CAMKMT: variants seen among roughly 807,000 people sequenced by gnomAD.
The protein encoded by CAMKMT is CaM KMT.
A neutral mutation model predicts 48.0 loss-of-function variants in CAMKMT; 53 were observed. The ratio of observed to expected loss-of-function variants is 1.10; its 90% CI spans 0.89 to 1.39. The LOEUF is 1.39. Among genes scored for constraint, CAMKMT ranks in the 40% most tolerant of loss-of-function variants. The pLI, the probability that CAMKMT is intolerant of heterozygous loss-of-function variation, is 0.00. For synonymous variants in CAMKMT, 165 were observed against 152.3 expected (o/e 1.08, Z -0.61); for missense variants, 428 against 402.7 (o/e 1.06, Z -0.54).
intron 9 of CAMKMT, among the ~76,000 whole-genome samples, chr2:44,756,033 G>A (rs1366300284): frequency 1.3e-5 from 2 of 152,202 alleles, no homozygotes; most frequent in Non-Finnish European, 2.9e-5. Context: ...CCATCAGAGG[G>A]GAAATCCCAG....
intron 3 of CAMKMT, among the ~76,000 whole-genome samples, chr2:44,543,875 T>G (rs1216957275): frequency 6.6e-6 from 1 of 152,196 alleles, no homozygotes; most frequent in African/African-American, 2.4e-5. Flanking sequence ...TGTTGACAGA[T>G]GTATTTAGAA....
intron 3 of CAMKMT, among the ~76,000 whole-genome samples, chr2:44,700,264 T>A (rs1392772482): frequency 6.6e-6 from 1 of 152,230 alleles, no homozygotes; most frequent in East Asian, 1.9e-4. Context: ...TCCAGACCAC[T>A]AAAACTTTCT....
At chr2:44,745,587 A>G (rs1044888109) in intron 8 of CAMKMT, among the ~76,000 whole-genome samples, 1 of 152,204 alleles carries the variant, frequency 6.6e-6, no homozygotes, top group Non-Finnish European at 1.5e-5. Flanking sequence ...TATGGCTTCA[A>G]ATGAACTAAA....
At chr2:44,489,155 C>A (rs1342490656) in intron 3 of CAMKMT, among the ~76,000 whole-genome samples, 1 of 152,034 alleles carries the variant, frequency 6.6e-6, no homozygotes, top group African/African-American at 2.4e-5. Flanking sequence ...CAGGCATGAC[C>A]CACCAACGCT....
At chr2:44,409,059 T>A (rs1189576454) in intron 3 of CAMKMT, among the ~76,000 whole-genome samples, 3 of 147,662 alleles carry the variant, frequency 2.0e-5, no homozygotes, top group Non-Finnish European at 4.5e-5. Context: ...ATATTTTTAA[T>A]TTTTAGTTGT....
intron 3 of CAMKMT, among the ~76,000 whole-genome samples, chr2:44,562,840 C>T (rs1347405946): frequency 3.3e-5 from 5 of 152,168 alleles, no homozygotes; most frequent in African/African-American, 7.2e-5. Context: ...GGATTACAGG[C>T]GTGAGCCACA....
intron 3 of CAMKMT, chr2:44,550,674 C>T (rs896405365): frequency 6.6e-6 from 1 of 152,142 alleles, no homozygotes; most frequent in Non-Finnish European, 1.5e-5. Flanking sequence ...GACCATCTAT[C>T]CACTCTTTTC....
At chr2:44,402,692 G>A (rs917326207) in intron 3 of CAMKMT, among the ~76,000 whole-genome samples, 3 of 140,932 alleles carry the variant, frequency 2.1e-5, no homozygotes, top group Admixed American at 7.0e-5. Flanking sequence ...TTTGAATGTT[G>A]TGCATCCTGG....
intron 3 of CAMKMT, among the ~76,000 whole-genome samples, chr2:44,679,641 G>C (rs1465769548): frequency 2.6e-5 from 4 of 152,236 alleles, no homozygotes; most frequent in Admixed American, 2.0e-4. Flanking sequence ...ACAATGAGTT[G>C]AGTATTCTTA....
At chr2:44,426,228 A>G (rs766590432) in intron 3 of CAMKMT, among the ~76,000 whole-genome samples, 42 of 152,354 alleles carry the variant, frequency 2.8e-4, no homozygotes, top group African/African-American at 7.7e-4. Flanking sequence ...GTAAATCAAC[A>G]TAATTGGTAA....
intron 3 of CAMKMT, among the ~76,000 whole-genome samples, chr2:44,512,834 T>C (rs1325803286): frequency 3.0e-5 from 4 of 131,604 alleles, no homozygotes; most frequent in African/African-American, 1.1e-4. Context: ...CAAACCAACT[T>C]CCATTCTCAA....
chr2:44,470,994 C>CTTTTTTTTTT (rs11362559), intron 3 of CAMKMT, among the ~76,000 whole-genome samples: 1 of 74,934 alleles, frequency 1.3e-5, no homozygotes, highest in Middle Eastern at 7.2e-3. Flanking sequence ...CTCTCTCTCT[C>CTTTTTTTTTT]TTTTTTTTTT....
intron 3 of CAMKMT, among the ~76,000 whole-genome samples, chr2:44,645,728 G>A (rs1466348715): frequency 6.6e-6 from 1 of 152,156 alleles, no homozygotes; most frequent in Non-Finnish European, 1.5e-5. Flanking sequence ...GGCTGAGGCA[G>A]GAGAATCGCT....
chr2:44,522,481 T>G (rs936318867), intron 3 of CAMKMT, among the ~76,000 whole-genome samples: 6 of 152,332 alleles, frequency 3.9e-5, no homozygotes, highest in Admixed American at 1.3e-4. Flanking sequence ...GGCAATCCCC[T>G]TAAGATACTT....
At chr2:44,766,685 C>T in intron 10 of CAMKMT, 124 bp downstream of exon 10, 3 of 986,562 alleles carry the variant, frequency 3.0e-6, no homozygotes, top group Non-Finnish European at 4.4e-6. Flanking sequence ...TGCTTCTGAA[C>T]AGCTATTTGT....
chr2:44,756,183 A>C (rs2104392129), intron 9 of CAMKMT, among the ~76,000 whole-genome samples: 1 of 152,340 alleles, frequency 6.6e-6, no homozygotes, highest in Non-Finnish European at 1.5e-5. Flanking sequence ...TTGCCAGTGA[A>C]GAGCCCAGTC....
At chr2:44,469,835 C>T (rs1668324009) in intron 3 of CAMKMT, among the ~76,000 whole-genome samples, 3 of 146,662 alleles carry the variant, frequency 2.0e-5, no homozygotes, top group Admixed American at 6.9e-5. Flanking sequence ...CGTTTGTTTG[C>T]TCTCATGTTC....
chr2:44,649,006 A>T (rs1039972392), intron 3 of CAMKMT, among the ~76,000 whole-genome samples: 2 of 152,212 alleles, frequency 1.3e-5, no homozygotes, highest in Non-Finnish European at 2.9e-5. Flanking sequence ...ATTAAATGAG[A>T]TATTTAATAT....
At chr2:44,423,867 G>A (rs949988482) in intron 3 of CAMKMT, among the ~76,000 whole-genome samples, 1 of 152,018 alleles carries the variant, frequency 6.6e-6, no homozygotes, top group African/African-American at 2.4e-5. Flanking sequence ...TAGTCTTCTG[G>A]CAGTTATTTC....
Sources: allele counts gnomAD v4.1 joint callset (sites outside exome capture counted in the v4.1 genomes callset), GRCh38; gene constraint gnomAD v4.1.1; transcripts MANE v1.5; gene names NCBI Gene and HGNC (gene_info 2026-07-23, HGNC 2026-07-21).